The following FLG variants were observed in gnomAD, a reference collection of about 807,000 sequenced individuals.
The protein encoded by FLG is filaggrin, also known as epidermal filaggrin.
FLG carries 6 observed loss-of-function variants against 3.8 expected under a neutral mutation model. The ratio of observed to expected loss-of-function variants is 1.60; its 90% CI spans 0.87 to 3.15. The LOEUF is 3.15. Among genes scored for constraint, FLG ranks in the 30% most tolerant of loss-of-function variants. FLG has a pLI of 0.00. For missense variants in FLG, 7,595 were observed against 5,050.9 expected, an observed-to-expected ratio of 1.50 and a Z score of -15.27; for synonymous variants, 2,551 against 1,931.6, an observed-to-expected ratio of 1.32 and a Z score of -8.41.
At position 152,302,430 on chromosome 1, in the gene FLG, A is replaced by G. The variant is rs1651666582; in HGVS notation, c.*270T>C. The G allele has an allele frequency of 4.4e-6, 2 of 454,906 alleles. No homozygotes were observed. Among genetic ancestry groups the G allele is most frequent in the Non-Finnish European group, 7.8e-6 (2 of 256,054 alleles). The allele number at this position is 454,906 out of a possible 1,614,324, so 28.2% of individuals were successfully genotyped here. On this transcript the variant is annotated 3_prime_UTR_variant, in exon 3 of 3. Coordinates refer to ENST00000368799, the MANE Select transcript of FLG (RefSeq NM_002016.2). ...TTTCAAAAACATAAAACATTACTTG[A>G]CCCAGAATCTCCTAAAATACTCCAG...
Position 152,303,956 on chromosome 1 carries a change from G to T in FLG, c.10930C>A (p.His3644Asn). Reference protein sequence around the residue: ...ADSSRHSGIGHGQASSAVRDS... With the variant: ...ADSSRHSGIGNGQASSAVRDS... The stretch of plus-strand genomic sequence containing the variant: ...CTGACTGCAGATGAAGCTTGTCCGT[G>T]CCCAATGCCTGAGTGTCTGGAGCTG... The change falls in exon 3 of 3, where the codon CAC becomes AAC. Residue 3644 changes from histidine to asparagine, a missense_variant. By Grantham distance (68) the His-to-Asn change is moderately conservative (BLOSUM62 1). Transcript: ENST00000368799. The T allele has an allele frequency of 6.2e-7, 1 of 1,613,874 alleles. No individual in the cohort carries two copies. The highest frequency in any genetic ancestry group is 8.5e-7 in the Non-Finnish European group (1 of 1,179,988).
At chr1:152,314,842 A>C in intron 2 of FLG, 95 bp from the exon 3 acceptor site, 1 of 1,489,766 alleles carries the variant, frequency 6.7e-7, no homozygotes, top group East Asian at 2.3e-5. Context: ...CTGATCTTTG[A>C]GTATTAAAAA....
rs200502669 is a variant in FLG at position 152,311,325 on chromosome 1, T to G, written c.3561A>C (p.Arg1187Ser). 1,033 of 1,613,474 alleles carry G rather than the reference T, an allele frequency of 6.4e-4. 1 individual carries two copies. Among genetic ancestry groups the G allele is most frequent in the Non-Finnish European group, 8.3e-4 (983 of 1,179,882 alleles). The change falls in exon 3 of 3, where the codon AGA becomes AGC. Residue 1187 changes from arginine (R) to serine (S), a missense_variant. Physicochemically the swap from Arg to Ser is moderately radical, Grantham distance 110. Coordinates refer to ENST00000368799, the MANE Select transcript of FLG (RefSeq NM_002016.2). ...QGSHHEQSVD[R>S]SGHSGSHHSH... ...TGTGATGGGACCCTGAGTGTCCAGA[T>G]CTATCTACCGATTGCTCATGGTGGG...
Position 152,304,285 on chromosome 1 carries a change from T to A in FLG, c.10601A>T (p.Asn3534Ile). 1 of 1,534,370 alleles carries A rather than the reference T, an allele frequency of 6.5e-7. No homozygotes were observed. Among genetic ancestry groups the A allele is most frequent in the Non-Finnish European group, 8.8e-7 (1 of 1,139,976 alleles). ...GTCCTGGCTAACACTGGATCCCTGG[T>A]TCCTGCTTGTCCTGGGCCCCGCTGA... ...GQSAGPRTSR[N>I]QGSSVSQDSD... Residue 3534 changes from asparagine (N) to isoleucine (I), a missense_variant, in exon 3 of 3, where the codon AAC becomes ATC. Coordinates refer to ENST00000368799, the MANE Select transcript of FLG (RefSeq NM_002016.2).
chr1:152,315,226 GA>G, intron 2 of FLG, 92 bp downstream of exon 2: 1 of 1,216,406 alleles, frequency 8.2e-7, no homozygotes, highest in African/African-American at 1.5e-5. Context: ...TATTTTAAGA[GA>G]AATAGTTCAC....
chr1:152,314,106 T>C lies in FLG; in HGVS notation c.780A>G (p.Ser260=), dbSNP rs756407428. ...ATGATGATTTGCCATCAGATGACCT[T>C]GATCTTTCATATATTTTGTTTTCTT... ...LLEENKIYER[S]RSSDGKSSSQ... Residue 260 remains serine, a synonymous_variant, in exon 3 of 3, where the codon TCA becomes TCG. Coordinates refer to ENST00000368799, the MANE Select transcript of FLG (RefSeq NM_002016.2). The C allele has an allele frequency of 6.2e-7, 1 of 1,614,174 alleles. No homozygotes were observed. Among genetic ancestry groups the C allele is most frequent in the South Asian group, 1.1e-5 (1 of 91,088 alleles).
At chr1:152,321,320 G>T (rs1336141688) in intron 1 of FLG, among the ~76,000 whole-genome samples, 6 of 149,984 alleles carry the variant, frequency 4.0e-5, no homozygotes, top group Non-Finnish European at 1.5e-5. Context: ...GTATAATGAA[G>T]GAAATAATAA....
Position 152,306,270 on chromosome 1 carries a change from C to G in FLG, c.8616G>C (p.Gln2872His). The stretch of plus-strand genomic sequence containing the variant: ...ACCCCTCTGATTGTCCCTGGACTGC[C>G]TGTGAGTGTCTAGAGATGTCGGCAT... ...STHADISRHS[Q>H]AVQGQSEGSR... The change falls in exon 3 of 3, where the codon CAG (glutamine) becomes CAC (histidine). Residue 2872 changes from glutamine to histidine, a missense_variant. Coordinates refer to ENST00000368799, the MANE Select transcript of FLG (RefSeq NM_002016.2). 1.2e-6 allele frequency: 2 copies of G among 1,605,160 alleles called. No homozygotes were observed. The highest frequency in any genetic ancestry group is 8.5e-7 in the Non-Finnish European group (1 of 1,180,040).
rs762548262 is a variant in FLG at position 152,314,067 on chromosome 1, C to A, written c.819G>T (p.Arg273Ser). Residue 273 changes from arginine (R) to serine (S), a missense_variant, in exon 3 of 3, where the codon AGG becomes AGT. By Grantham distance (110) the Arg-to-Ser change is moderately radical. Transcript: ENST00000368799. ...SDGKSSSQVN[R>S]SRHENTSQVP... ...CCTGGCTTGTATTTTCATGTCTTGA[C>A]CTGTTCACTTGAGATGATGATTTGC... 1.7e-5 allele frequency: 27 copies of A among 1,614,040 alleles called. No individual in the cohort carries two copies. Among genetic ancestry groups the A allele is most frequent in the Non-Finnish European group, 9.3e-6 (11 of 1,180,034 alleles).
rs1419599283 is a variant in FLG at position 152,308,944 on chromosome 1, T to A, written c.5942A>T (p.His1981Leu). 5 of 1,614,064 alleles carry A rather than the reference T, an allele frequency of 3.1e-6. No homozygotes were observed. Among genetic ancestry groups the A allele is most frequent in the Non-Finnish European group, 4.2e-6 (5 of 1,180,002 alleles). Residue 1981 changes from histidine to leucine, a missense_variant, in exon 3 of 3, where the codon CAC becomes CTC. By Grantham distance (99) the His-to-Leu change is moderately conservative. Transcript: ENST00000368799. ...ADSSRQSGTR[H>L]TESSSRGQAA... is the part of the protein sequence containing the mutation. ...CTGTCCACGAGAGGAAGACTCTGTG[T>A]GACGAGTGCCTGATTGTCTGGAGCT... is the stretch of plus-strand genomic sequence containing the variant.
In FLG at chr1:152,303,456, G is replaced by C; in HGVS notation, c.11430C>G (p.Ser3810Arg). ...ACTGTTCCTCATTACGTGTTTCTCT[G>C]CTTGCACTTCTGGATCCTGACTGCC... Reference protein sequence around the residue: ...SHGQSGSRSASRETRNEEQSG... With the variant: ...SHGQSGSRSARRETRNEEQSG... The change falls in exon 3 of 3, where the codon AGC (serine) becomes AGG (arginine). Residue 3810 changes from serine (S) to arginine (R), a missense_variant. Physicochemically the swap from Ser to Arg is moderately radical, Grantham distance 110. Transcript: ENST00000368799. 1.2e-6 allele frequency: 2 copies of C among 1,613,716 alleles called. No homozygotes were observed. The highest frequency in any genetic ancestry group is 1.7e-6 in the Non-Finnish European group (2 of 1,179,932).
Position 152,310,374 on chromosome 1 carries a change from G to A in FLG, c.4512C>T (p.Tyr1504=). 2.5e-6 allele frequency: 4 copies of A among 1,613,776 alleles called. No individual in the cohort carries two copies. Among genetic ancestry groups the A allele is most frequent in the East Asian group, 2.2e-5 (1 of 44,836 alleles). The change falls in exon 3 of 3, where the codon TAC becomes TAT. Residue 1504 remains tyrosine, a synonymous_variant. Transcript: ENST00000368799. ...GSSRGGRQGS[Y]HEQSVDRSGH... ...CAGACCTATCTACTGATTGCTCGTG[G>A]TAGGATCCCTGCCTTCCTCCTCTGC...
rs1212417330 is a variant in FLG at position 152,303,456 on chromosome 1, G to A, written c.11430C>T (p.Ser3810=). The change falls in exon 3 of 3, where the codon AGC becomes AGT. Residue 3810 remains serine, a synonymous_variant. Transcript: ENST00000368799. Reference sequence around the variant, plus strand: ...ACTGTTCCTCATTACGTGTTTCTCTGCTTGCACTTCTGGATCCTGACTGCC... The same window carrying A: ...ACTGTTCCTCATTACGTGTTTCTCTACTTGCACTTCTGGATCCTGACTGCC... The part of the protein sequence containing the change: ...SHGQSGSRSA[S]RETRNEEQSG... 1 of 1,613,716 alleles carries A rather than the reference G, an allele frequency of 6.2e-7. No homozygotes were observed. Among genetic ancestry groups the A allele is most frequent in the Non-Finnish European group, 8.5e-7 (1 of 1,179,932 alleles).
intron 1 of FLG, among the ~76,000 whole-genome samples, chr1:152,321,399 A>G (rs551476944): frequency 6.6e-6 from 1 of 151,180 alleles, no homozygotes; most frequent in East Asian, 1.9e-4. Context: ...CAGCCTTTGA[A>G]AAATCTAATA....
In FLG at chr1:152,313,251, A is replaced by G. The variant is rs753421108; in HGVS notation, c.1635T>C (p.His545=). The part of the protein sequence containing the change: ...SVNRSGHSGS[H]HSHTTSQGRS... Reference sequence around the variant, plus strand: ...TTCCCTGGGATGTGGTGTGGCTGTGATGGGAACCTGAGTGTCCAGACCTAT... The same window carrying G: ...TTCCCTGGGATGTGGTGTGGCTGTGGTGGGAACCTGAGTGTCCAGACCTAT... The change falls in exon 3 of 3, where the codon CAT becomes CAC. Residue 545 remains histidine (H), a synonymous_variant. Coordinates refer to ENST00000368799, the MANE Select transcript of FLG (RefSeq NM_002016.2). 6.2e-7 allele frequency: 1 copy of G among 1,613,678 alleles called. No individual in the cohort carries two copies. Among genetic ancestry groups the G allele is most frequent in the African/African-American group, 1.3e-5 (1 of 74,716 alleles).
In FLG at chr1:152,313,910, A is replaced by G. The variant is rs562734683; in HGVS notation, c.976T>C (p.Trp326Arg). The G allele has an allele frequency of 1.2e-5, 20 of 1,613,784 alleles. No individual in the cohort carries two copies. The South Asian group carries it at 1.5e-4, about 12-fold the overall frequency. ...SASRNHHGSA[W>R]EQSRDGSRHP... Reference sequence around the variant, plus strand: ...CTGGAGCCATCTCTTGACTGCTCCCACGCAGATCCATGATGGTTTCTGGAA... The same window carrying G: ...CTGGAGCCATCTCTTGACTGCTCCCGCGCAGATCCATGATGGTTTCTGGAA... The change falls in exon 3 of 3, where the codon TGG (tryptophan) becomes CGG (arginine). Residue 326 changes from tryptophan (W) to arginine (R), a missense_variant. Physicochemically the swap from Trp to Arg is moderately radical, Grantham distance 101. Transcript: ENST00000368799.
chr1:152,308,871 A>G lies in FLG; in HGVS notation c.6015T>C (p.His2005=), dbSNP rs1324692015. Reference sequence around the variant, plus strand: ...CTGACTGGAGCTGGTGGTGGGATCCATGTCTTTCTCCTGCACTTGATCTTG... The same window carrying G: ...CTGACTGGAGCTGGTGGTGGGATCCGTGTCTTTCTCCTGCACTTGATCTTG... ...EQARSSAGER[H]GSHHQLQSAD... Residue 2005 remains histidine, a synonymous_variant, in exon 3 of 3, where the codon CAT becomes CAC. Transcript: ENST00000368799. The G allele has an allele frequency of 1.4e-5, 23 of 1,613,910 alleles. No homozygotes were observed. The African/African-American group carries it at 1.7e-4, about 12-fold the overall frequency.
In FLG at chr1:152,302,310, C is replaced by CATCA; in HGVS notation, c.*389_*390insTGAT. The stretch of plus-strand genomic sequence containing the variant: ...GTGCTAGCCCTGATGTTGATATAGC[C>CATCA]ACTTTGGTATACAGAACTGTTTTAT... On this transcript the variant is annotated 3_prime_UTR_variant, in exon 3 of 3. Transcript: ENST00000368799. The CATCA allele has an allele frequency of 4.4e-6, 1 of 225,444 alleles. No individual in the cohort carries two copies. The highest frequency in any genetic ancestry group is 8.8e-6 in the Non-Finnish European group (1 of 114,186). The allele number at this position is 225,444 out of a possible 1,614,324, so 14.0% of individuals were successfully genotyped here. A position where few individuals can be genotyped will look rare whatever the true frequency, so the allele number is the denominator to read the frequency against.
chr1:152,313,348 T>C lies in FLG; in HGVS notation c.1538A>G (p.Gln513Arg). The change falls in exon 3 of 3, where the codon CAG becomes CGG. Residue 513 changes from glutamine (Q) to arginine (R), a missense_variant. Physicochemically the swap from Gln to Arg is conservative, Grantham distance 43. Coordinates refer to ENST00000368799, the MANE Select transcript of FLG (RefSeq NM_002016.2). The stretch of plus-strand genomic sequence containing the variant: ...CCCCGGGTGTCCACGAATGGTGTCC[T>C]GACCCTCTTGGGACGCTGAATGCCT... ...SSRHSASQEG[Q>R]DTIRGHPGSS... The C allele has an allele frequency of 6.2e-7, 1 of 1,613,478 alleles. No homozygotes were observed. The highest frequency in any genetic ancestry group is 8.5e-7 in the Non-Finnish European group (1 of 1,179,870).
Sources: allele counts gnomAD v4.1 joint callset (sites outside exome capture counted in the v4.1 genomes callset), GRCh38; gene constraint gnomAD v4.1.1; transcripts MANE v1.5; gene names NCBI Gene and HGNC (gene_info 2026-07-23, HGNC 2026-07-21).